APBA2: variants seen among roughly 807,000 people sequenced by gnomAD.
APBA2 encodes amyloid-beta A4 precursor protein-binding family A member 2.
A neutral mutation model predicts 75.0 loss-of-function variants in APBA2; 30 were observed. The observed-to-expected ratio is 0.40, with a 90% confidence interval of 0.30 to 0.54. APBA2 has a LOEUF of 0.54. Among genes scored for constraint, APBA2 ranks in the 20% least tolerant of loss-of-function variants. The pLI is 0.49. For synonymous variants in APBA2, 444 were observed against 409.6 expected (o/e 1.08, Z -1.01); for missense variants, 801 against 1,016.1 (o/e 0.79, Z 2.88).
intron 2 of APBA2, among the ~76,000 whole-genome samples, chr15:28,936,972 G>A (rs1328037674): frequency 6.6e-6 from 1 of 152,190 alleles, no homozygotes; most frequent in South Asian, 2.1e-4. Context: ...TGCGAAATGG[G>A]CATAATAGAA....
rs116220307 is a variant in APBA2, at chr15:29,017,723, T to C, written c.-41+21917T>C. On this transcript the variant is annotated intron_variant, in intron 3 of 14. Transcript: ENST00000683413. ...TCTGGGATAGTTCAACGACTTTAAATACCCATATTGAAATGTTTATGCTTG... is the reference window on the plus strand; with the variant it reads ...TCTGGGATAGTTCAACGACTTTAAACACCCATATTGAAATGTTTATGCTTG... Among the ~76,000 whole-genome samples the C allele has an allele frequency of 9.6e-3, 1,467 of 152,280 alleles. 22 individuals are homozygous for C. The highest frequency in any genetic ancestry group is 0.034 in the African/African-American group (1,409 of 41,560).
chr15:29,055,043 G>A (rs1257031770), intron 4 of APBA2, among the ~76,000 whole-genome samples: 1 of 152,200 alleles, frequency 6.6e-6, no homozygotes, highest in Non-Finnish European at 1.5e-5. Context: ...TCAGACTCAG[G>A]ACTAAAGCCG....
intron 3 of APBA2, among the ~76,000 whole-genome samples, chr15:29,035,877 G>A (rs906298311): frequency 2.0e-5 from 3 of 152,202 alleles, no homozygotes; most frequent in African/African-American, 4.8e-5. Context: ...AGGCCAGAGA[G>A]GACAGGAGCA....
At chr15:29,065,798 G>A (rs2042355168) in intron 4 of APBA2, among the ~76,000 whole-genome samples, 1 of 152,206 alleles carries the variant, frequency 6.6e-6, no homozygotes, top group African/African-American at 2.4e-5. Flanking sequence ...AGCTACCCAT[G>A]GTCCAGGCCT....
chr15:29,057,564 G>A (rs2041955738), intron 4 of APBA2, among the ~76,000 whole-genome samples: 2 of 152,198 alleles, frequency 1.3e-5, no homozygotes, highest in South Asian at 4.1e-4. Flanking sequence ...CATAAATGAT[G>A]TACGTAGCTG....
At position 28,946,520 on chromosome 15, in the gene APBA2, A is replaced by T. The variant is rs114866102; in HGVS notation, c.-95+24771A>T. Among the ~76,000 whole-genome samples the T allele has an allele frequency of 9.3e-3, 1,418 of 152,278 alleles. 32 individuals carry two copies. The highest frequency in any genetic ancestry group is 0.032 in the African/African-American group (1,342 of 41,556). On this transcript the variant is annotated intron_variant, in intron 2 of 14. Coordinates refer to ENST00000683413, the MANE Select transcript of APBA2 (RefSeq NM_001353788.2). ...CCTCCGTAAAGAACCAGGCCAGTCG[A>T]CACCATGACCTTAGCCCAAGGAGAC...
intron 13 of APBA2, among the ~76,000 whole-genome samples, chr15:29,113,633 G>A (rs1388690454): frequency 1.3e-5 from 2 of 152,214 alleles, no homozygotes; most frequent in African/African-American, 4.8e-5. Context: ...GCAGCTGGGG[G>A]ACAGGTTCCA....
chr15:29,038,512 A>G (rs1019100428), intron 3 of APBA2, among the ~76,000 whole-genome samples: 4 of 152,006 alleles, frequency 2.6e-5, no homozygotes, highest in Non-Finnish European at 5.9e-5. Flanking sequence ...TGCAACTCTG[A>G]CAGTTGAGCT....
chr15:29,006,053 T>C (rs1471170775), intron 3 of APBA2, among the ~76,000 whole-genome samples: 1 of 152,208 alleles, frequency 6.6e-6, no homozygotes, highest in African/African-American at 2.4e-5. Context: ...TCACCACTTC[T>C]ATTTAACATA....
intron 3 of APBA2, among the ~76,000 whole-genome samples, chr15:29,004,976 G>A (rs887669547): frequency 2.0e-5 from 3 of 152,168 alleles, no homozygotes; most frequent in African/African-American, 4.8e-5. Context: ...CATCACGCCC[G>A]GCCAGGGACC....
chr15:28,933,854 A>G (rs954103471), intron 2 of APBA2, among the ~76,000 whole-genome samples: 2 of 152,154 alleles, frequency 1.3e-5, no homozygotes, highest in Non-Finnish European at 1.5e-5. Flanking sequence ...CTGGGGTTTG[A>G]TGCTGGAGCG....
At chr15:28,956,234 G>A (rs1034092087) in intron 2 of APBA2, among the ~76,000 whole-genome samples, 4 of 152,162 alleles carry the variant, frequency 2.6e-5, no homozygotes, top group East Asian at 1.9e-4. Flanking sequence ...TGTCTCTAGG[G>A]CAGGCAGGGG....
intron 1 of APBA2, among the ~76,000 whole-genome samples, chr15:28,906,397 A>G (rs2033135208): frequency 1.3e-5 from 2 of 152,182 alleles, no homozygotes; most frequent in South Asian, 4.1e-4. Flanking sequence ...TTACTTATTG[A>G]ACTTTTGGGT....
At chr15:28,954,215 A>G (rs2036044658) in intron 2 of APBA2, among the ~76,000 whole-genome samples, 1 of 152,178 alleles carries the variant, frequency 6.6e-6, no homozygotes. Flanking sequence ...TTGCTGTGCC[A>G]GTTTCCTGAT....
intron 13 of APBA2, among the ~76,000 whole-genome samples, chr15:29,111,988 C>A (rs540757822): frequency 2.3e-4 from 35 of 152,288 alleles, no homozygotes; most frequent in Non-Finnish European, 3.8e-4. Flanking sequence ...AGCCTGGAAC[C>A]CCGGGCTCCT....
At chr15:29,008,989 A>T (rs893975768) in intron 3 of APBA2, among the ~76,000 whole-genome samples, 1 of 152,234 alleles carries the variant, frequency 6.6e-6, no homozygotes. Context: ...AGAAGCCGGC[A>T]GGCTCTTCCT....
At chr15:28,997,481 A>G (rs1644492231) in intron 3 of APBA2, among the ~76,000 whole-genome samples, 1 of 152,204 alleles carries the variant, frequency 6.6e-6, no homozygotes, top group Non-Finnish European at 1.5e-5. Flanking sequence ...CTCAGCTCTG[A>G]AAATGCTGGA....
chr15:29,001,498 A>G (rs1221527132), intron 3 of APBA2, among the ~76,000 whole-genome samples: 1 of 152,232 alleles, frequency 6.6e-6, no homozygotes, highest in Non-Finnish European at 1.5e-5. Context: ...GGCATGAGCC[A>G]CTGCCTCTAG....
intron 10 of APBA2, among the ~76,000 whole-genome samples, chr15:29,104,293 G>A (rs976863127): frequency 6.6e-6 from 1 of 152,206 alleles, no homozygotes. Context: ...GCATAAGGAG[G>A]GCTCACACAG....
Sources: allele counts gnomAD v4.1 joint callset (sites outside exome capture counted in the v4.1 genomes callset), GRCh38; gene constraint gnomAD v4.1.1; transcripts MANE v1.5; gene names NCBI Gene and HGNC (gene_info 2026-07-23, HGNC 2026-07-21).